HACD3: variants seen among roughly 807,000 people sequenced by gnomAD.
HACD3 encodes very-long-chain (3R)-3-hydroxyacyl-CoA dehydratase 3.
HACD3 carries 30 observed loss-of-function variants against 55.2 expected under a neutral mutation model. The ratio of observed to expected loss-of-function variants is 0.54; its 90% confidence interval spans 0.41 to 0.74. HACD3 has a LOEUF of 0.74. HACD3 is among the 30% of genes least tolerant of loss of function. The pLI, the probability that HACD3 is intolerant of heterozygous loss-of-function variation, is 0.00. For missense variants in HACD3, 363 were observed against 440.1 expected (o/e 0.82, Z 1.57); for synonymous variants, 141 against 151.7 (o/e 0.93, Z 0.52).
Position 65,530,604 on chromosome 15 carries a change from G to T in HACD3, c.-28G>T, listed in dbSNP as rs1043536952. 73 of 1,552,120 alleles carry T rather than the reference G, an allele frequency of 4.7e-5. No individual in the cohort carries two copies. The highest frequency in any genetic ancestry group is 6.1e-5 in the Non-Finnish European group (70 of 1,148,040). On this transcript the variant is annotated 5_prime_UTR_variant, in exon 1 of 11. Coordinates refer to ENST00000261875, the MANE Select transcript of HACD3 (RefSeq NM_016395.4). Reference sequence around the variant, plus strand: ...GAGGCAGCGAGGCGCAGCGAGCCTAGCCTCCCCGCGCCCTGGGCAGTGTGG... The same window carrying T: ...GAGGCAGCGAGGCGCAGCGAGCCTATCCTCCCCGCGCCCTGGGCAGTGTGG...
Position 65,530,638 on chromosome 15 carries a change from A to C in HACD3, c.7A>C (p.Asn3His). 1.3e-6 allele frequency: 2 copies of C among 1,577,846 alleles called. No homozygotes were observed. Among genetic ancestry groups the C allele is most frequent in the Non-Finnish European group, 1.7e-6 (2 of 1,162,984 alleles). Residue 3 changes from asparagine to histidine, a missense_variant, in exon 1 of 11, where the codon AAT (asparagine) becomes CAT (histidine). By Grantham distance (68) the Asn-to-His change is moderately conservative (BLOSUM62 1). Transcript: ENST00000261875. ME[N>H]QVLTPHVYWA... ...CGCCCTGGGCAGTGTGGCCATGGAG[A>C]ATCAGGTGTTGACGCCGCATGTCTA...
chr15:65,560,852 A>G (rs2141219106), intron 5 of HACD3, among the ~76,000 whole-genome samples: 1 of 151,304 alleles, frequency 6.6e-6, no homozygotes, highest in African/African-American at 2.4e-5. Flanking sequence ...ATCCATGTAG[A>G]CTAGCTTGAT....
chr15:65,560,934 C>A (rs1350601684), intron 5 of HACD3, among the ~76,000 whole-genome samples: 1 of 152,176 alleles, frequency 6.6e-6, no homozygotes, highest in Non-Finnish European at 1.5e-5. Context: ...TACTCCCCAC[C>A]TGGTATTACA....
chr15:65,537,947 AAAAAAAAAAAAATATATATATATATAT>A (rs1454154701), intron 1 of HACD3, among the ~76,000 whole-genome samples: 1,967 of 63,060 alleles, frequency 0.031, 76 homozygotes, highest in East Asian at 0.067. Flanking sequence ...AAAAAAAAAA[AAAAAAAAAAAAATATATATATATATAT>A]ATATATATAT....
intron 1 of HACD3, among the ~76,000 whole-genome samples, chr15:65,550,360 C>A (rs894637504): frequency 6.6e-6 from 1 of 152,056 alleles, no homozygotes; most frequent in African/African-American, 2.4e-5. Flanking sequence ...GCACTCCAGC[C>A]TGGGTGAATT....
chr15:65,551,178 C>T (rs1450277373), intron 1 of HACD3: 1 of 154,172 alleles, frequency 6.5e-6, no homozygotes, highest in African/African-American at 2.4e-5. Flanking sequence ...CCCCACCACT[C>T]TATTCCTGTT....
intron 7 of HACD3, among the ~76,000 whole-genome samples, chr15:65,569,507 T>G (rs1444029720): frequency 6.6e-6 from 1 of 152,066 alleles, no homozygotes; most frequent in Non-Finnish European, 1.5e-5. Context: ...CCCAAGAGTT[T>G]GAGCAAGCTT....
chr15:65,540,486 G>A (rs772900558), intron 1 of HACD3, among the ~76,000 whole-genome samples: 2 of 152,174 alleles, frequency 1.3e-5, no homozygotes, highest in South Asian at 2.1e-4. Context: ...TATTCTAGCC[G>A]GGTGAAACTT....
rs560305572 is a variant in HACD3 at position 65,563,718 on chromosome 15, C to T, written c.533-497C>T. On this transcript the variant is annotated intron_variant, in intron 6 of 10. Coordinates refer to ENST00000261875, the MANE Select transcript of HACD3 (RefSeq NM_016395.4). ...GTGCGTGGTGGCTCACGCCTGTAAT[C>T]CCAGTACTTTGGGAGGTCTAGGTGG... is the stretch of plus-strand genomic sequence containing the variant. 3.9e-5 allele frequency among the ~76,000 whole-genome samples: 6 copies of T among 152,218 alleles called. No homozygotes were observed. The South Asian group carries it at 1.2e-3, about 32-fold the overall frequency.
intron 5 of HACD3, among the ~76,000 whole-genome samples, chr15:65,562,034 G>A (rs952580742): frequency 6.6e-6 from 1 of 152,206 alleles, no homozygotes; most frequent in Admixed American, 6.5e-5. Flanking sequence ...CCCTCCCCAG[G>A]TGTGCCACCC....
intron 1 of HACD3, among the ~76,000 whole-genome samples, chr15:65,537,934 GAAAAAAAAAAA>G (rs1167167112): frequency 7.4e-3 from 176 of 23,822 alleles, no homozygotes; most frequent in East Asian, 0.014. Flanking sequence ...CAACTTCTCA[GAAAAAAAAAAA>G]AAAAAAAAAA....
chr15:65,570,239 C>A, intron 8 of HACD3, 36 bp downstream of exon 8: 1 of 1,428,532 alleles, frequency 7.0e-7, no homozygotes, highest in Non-Finnish European at 9.8e-7. Context: ...TTGAATGCTG[C>A]TCCCTGTTTG....
In HACD3 at chr15:65,530,671, C is replaced by T. The variant is rs1458292614; in HGVS notation, c.40C>T (p.Gln14Ter). The T allele has an allele frequency of 1.3e-6, 2 of 1,582,514 alleles. No homozygotes were observed. Among genetic ancestry groups the T allele is most frequent in the East Asian group, 2.3e-5 (1 of 42,888 alleles). ...QVLTPHVYWA[Q>*]RHRELYLRVE... ...GTTGACGCCGCATGTCTACTGGGCT[C>T]AGCGACACCGCGAGCTATATCTGCG... is the stretch of plus-strand genomic sequence containing the variant. The change falls in exon 1 of 11, where the codon CAG becomes TAG. Residue 14 changes from glutamine to a stop codon, truncating the protein, a stop_gained. Coordinates refer to ENST00000261875, the MANE Select transcript of HACD3 (RefSeq NM_016395.4). LOFTEE classifies it high-confidence loss of function.
At chr15:65,560,995 A>G (rs2072239381) in intron 5 of HACD3, among the ~76,000 whole-genome samples, 1 of 152,188 alleles carries the variant, frequency 6.6e-6, no homozygotes, top group Non-Finnish European at 1.5e-5. Flanking sequence ...TTTGTATCCC[A>G]GTAGTTCTTC....
intron 7 of HACD3, among the ~76,000 whole-genome samples, chr15:65,567,545 T>C (rs2072304211): frequency 6.6e-6 from 1 of 152,104 alleles, no homozygotes; most frequent in South Asian, 2.1e-4. Context: ...TCTAAAAAAT[T>C]TTGGAATGTG....
intron 1 of HACD3, among the ~76,000 whole-genome samples, chr15:65,546,105 C>T (rs186402445): frequency 9.3e-4 from 141 of 152,284 alleles, no homozygotes; most frequent in African/African-American, 3.3e-3. Context: ...GCTAAGTGAG[C>T]GACCCGTCTT....
intron 7 of HACD3, among the ~76,000 whole-genome samples, chr15:65,567,759 T>G (rs554882294): frequency 2.6e-5 from 4 of 152,214 alleles, no homozygotes; most frequent in Admixed American, 2.6e-4. Flanking sequence ...GGATGAACCT[T>G]AAGGAAACTA....
intron 5 of HACD3, among the ~76,000 whole-genome samples, chr15:65,561,871 C>G (rs965034394): frequency 1.3e-5 from 2 of 152,180 alleles, no homozygotes; most frequent in Non-Finnish European, 2.9e-5. Context: ...ATTACGGTTC[C>G]CACAACCCGC....
chr15:65,556,717 A>G, intron 3 of HACD3, 22 bp from the exon 4 acceptor site: 1 of 1,583,882 alleles, frequency 6.3e-7, no homozygotes, highest in Non-Finnish European at 8.6e-7. Context: ...GGGCATTCTC[A>G]CATTTTCACT....
Sources: allele counts gnomAD v4.1 joint callset (sites outside exome capture counted in the v4.1 genomes callset), GRCh38; gene constraint gnomAD v4.1.1; transcripts MANE v1.5; gene names NCBI Gene and HGNC (gene_info 2026-07-23, HGNC 2026-07-21).